LEPR: variants seen among roughly 807,000 people sequenced by gnomAD.
LEPR encodes OB receptor.
LEPR carries 56 observed loss-of-function variants against 114.7 expected under a neutral mutation model. The observed-to-expected ratio is 0.49, with a 90% CI of 0.39 to 0.61. LEPR has a LOEUF of 0.61. Among genes scored for constraint, LEPR ranks in the 20% least tolerant of loss-of-function variants. The probability of loss-of-function intolerance (pLI) is 0.00; values close to 1 mark genes in which losing one functional copy is unlikely to be tolerated. For missense variants in LEPR, 1,202 were observed against 1,352.9 expected, an observed-to-expected ratio of 0.89 and a Z score of 1.75; for synonymous variants, 443 against 461.4, an observed-to-expected ratio of 0.96 and a Z score of 0.51.
chr1:65,457,576 A>C (rs1483006682), intron 2 of LEPR, among the ~76,000 whole-genome samples: 2 of 152,204 alleles, frequency 1.3e-5, no homozygotes, highest in Non-Finnish European at 2.9e-5. Flanking sequence ...TGTTACACGC[A>C]TACTGGTCAA....
At chr1:65,454,300 T>C (rs1392356776) in intron 2 of LEPR, among the ~76,000 whole-genome samples, 4 of 152,188 alleles carry the variant, frequency 2.6e-5, no homozygotes, top group Non-Finnish European at 5.9e-5. Context: ...TTAATATTGT[T>C]ATGTGTGAAT....
At chr1:65,518,905 CTTTCTTTCTTTCTCTCTT>C (rs1422056467) in intron 2 of LEPR, among the ~76,000 whole-genome samples, 2,635 of 90,362 alleles carry the variant, frequency 0.029, 49 homozygotes, top group African/African-American at 0.071. Context: ...TTCTTTCTTT[CTTTCTTTCTTTCTCTCTT>C]TCTCTGTTTC....
chr1:65,636,742 GTCTA>G lies in LEPR; in HGVS notation c.3231_3234del (p.Tyr1078IlefsTer2), dbSNP rs751651115. 8 of 1,612,320 alleles carry G rather than the reference GTCTA, an allele frequency of 5.0e-6. No individual in the cohort carries two copies. Among genetic ancestry groups the G allele is most frequent in the Admixed American group, 3.3e-5 (2 of 59,712 alleles). On this transcript the variant is annotated frameshift_variant, in exon 20 of 20. Transcript: ENST00000349533. LOFTEE classifies it high-confidence loss of function. Reference sequence around the variant, plus strand: ...TCCCTGAAGAAAATAATGATAAAAAGTCTATCTATTATTTAGGGGTCACCTCAAT... The same window carrying G: ...TCCCTGAAGAAAATAATGATAAAAAGTCTATTATTTAGGGGTCACCTCAAT...
intron 5 of LEPR, among the ~76,000 whole-genome samples, chr1:65,590,844 T>A (rs1434711324): frequency 6.6e-6 from 1 of 151,756 alleles, no homozygotes; most frequent in Non-Finnish European, 1.5e-5. Flanking sequence ...ATTTGATATT[T>A]ATGATTTCTC....
intron 3 of LEPR, among the ~76,000 whole-genome samples, chr1:65,569,322 G>C (rs996723961): frequency 6.6e-6 from 1 of 152,080 alleles, no homozygotes; most frequent in Non-Finnish European, 1.5e-5. Context: ...CTGCATTAGT[G>C]TCTATATAAG....
chr1:65,567,407 C>T (rs1453506567), intron 3 of LEPR, among the ~76,000 whole-genome samples: 1 of 152,128 alleles, frequency 6.6e-6, no homozygotes, highest in Non-Finnish European at 1.5e-5. Flanking sequence ...CCTCAAAAAA[C>T]TATTCTGTTT....
chr1:65,463,929 G>A (rs2100385575), intron 2 of LEPR, among the ~76,000 whole-genome samples: 1 of 152,308 alleles, frequency 6.6e-6, no homozygotes. Context: ...TTTGGGCTGA[G>A]ATGATGGGGT....
At chr1:65,498,711 T>C (rs939756399) in intron 2 of LEPR, among the ~76,000 whole-genome samples, 1 of 152,112 alleles carries the variant, frequency 6.6e-6, no homozygotes, top group Non-Finnish European at 1.5e-5. Flanking sequence ...TAGTTTAGAT[T>C]CTCAAAAGCT....
At chr1:65,426,657 A>T (rs554618992) in intron 2 of LEPR, among the ~76,000 whole-genome samples, 2 of 152,080 alleles carry the variant, frequency 1.3e-5, no homozygotes, top group African/African-American at 4.8e-5. Context: ...AAGGAGGGAG[A>T]GTTCTTAGAT....
intron 2 of LEPR, among the ~76,000 whole-genome samples, chr1:65,505,312 C>T (rs1570574746): frequency 6.6e-6 from 1 of 152,072 alleles, no homozygotes; most frequent in Non-Finnish European, 1.5e-5. Flanking sequence ...CTTAAAATGT[C>T]TCGTAATTTT....
chr1:65,550,604 G>A (rs183949325), intron 2 of LEPR, among the ~76,000 whole-genome samples: 22 of 152,300 alleles, frequency 1.4e-4, no homozygotes, highest in African/African-American at 4.8e-4. Context: ...CTCCGTGGGC[G>A]TAGGACCCTC....
At chr1:65,459,392 A>G (rs1339721092) in intron 2 of LEPR, among the ~76,000 whole-genome samples, 2 of 152,196 alleles carry the variant, frequency 1.3e-5, no homozygotes, top group Non-Finnish European at 1.5e-5. Flanking sequence ...AAGCTGCCCT[A>G]TGGTATGCTG....
In LEPR at chr1:65,636,971, A is replaced by G. The variant is rs1441361492; in HGVS notation, c.3454A>G (p.Thr1152Ala). 3 of 1,613,144 alleles carry G rather than the reference A, an allele frequency of 1.9e-6. No homozygotes were observed. The highest frequency in any genetic ancestry group is 2.2e-5 in the East Asian group (1 of 44,886). ...TCAATTCCAAACTTGTTCTACTCAGACTCATAAGATCATGGAAAACAAGAT... is the reference window on the plus strand; with the variant it reads ...TCAATTCCAAACTTGTTCTACTCAGGCTCATAAGATCATGGAAAACAAGAT... ...MPQFQTCSTQ[T>A]HKIMENKMCD... Residue 1152 changes from threonine to alanine, a missense_variant, in exon 20 of 20, where the codon ACT becomes GCT. Transcript: ENST00000349533.
intron 2 of LEPR, among the ~76,000 whole-genome samples, chr1:65,515,573 C>A (rs187024885): frequency 4.0e-4 from 61 of 152,208 alleles, no homozygotes; most frequent in Non-Finnish European, 7.9e-4. Flanking sequence ...ATAAGGATAT[C>A]CTGAAGTATT....
intron 2 of LEPR, among the ~76,000 whole-genome samples, chr1:65,466,774 T>C (rs1647018594): frequency 6.6e-6 from 1 of 152,228 alleles, no homozygotes; most frequent in African/African-American, 2.4e-5. Context: ...TTTCATTAAT[T>C]TGATCTTCAA....
intron 2 of LEPR, among the ~76,000 whole-genome samples, chr1:65,546,104 G>C (rs998894178): frequency 6.6e-5 from 10 of 152,234 alleles, no homozygotes; most frequent in African/African-American, 2.4e-4. Flanking sequence ...GTTTGTCAAA[G>C]ATCAGATAGT....
intron 2 of LEPR, among the ~76,000 whole-genome samples, chr1:65,517,915 A>C (rs189973959): frequency 1.3e-5 from 2 of 152,318 alleles, no homozygotes; most frequent in African/African-American, 4.8e-5. Context: ...AGTTTACAGG[A>C]GCTACATAGA....
At position 65,426,662 on chromosome 1, in the gene LEPR, T is replaced by C. The variant is rs550765409; in HGVS notation, c.-21+1284T>C. On this transcript the variant is annotated intron_variant, in intron 2 of 19. Coordinates refer to ENST00000349533, the MANE Select transcript of LEPR (RefSeq NM_002303.6). ...AGGATTCAACAAGGAGGGAGAGTTCTTAGATGTCTCCCAGGTGATTGGCTT... is the reference window on the plus strand; with the variant it reads ...AGGATTCAACAAGGAGGGAGAGTTCCTAGATGTCTCCCAGGTGATTGGCTT... 5.9e-5 allele frequency among the ~76,000 whole-genome samples: 9 copies of C among 152,258 alleles called. No homozygotes were observed. The South Asian group carries it at 1.9e-3, about 32-fold the overall frequency.
intron 2 of LEPR, among the ~76,000 whole-genome samples, chr1:65,452,674 G>A (rs1350704495): frequency 7.4e-5 from 11 of 147,916 alleles, no homozygotes; most frequent in South Asian, 2.2e-4. Flanking sequence ...TGCTGGATTC[G>A]GTTTGCCAGT....
Sources: gnomAD v4.1 joint callset for allele counts (sites outside exome capture counted in the v4.1 genomes callset) on GRCh38, gnomAD v4.1.1 for gene constraint, MANE v1.5 for transcripts, NCBI Gene and HGNC (gene_info 2026-07-23, HGNC 2026-07-21) for gene names.